The following CFAP100 variants were observed in gnomAD, a reference collection of about 807,000 sequenced individuals.
CFAP100 encodes the protein cilia and flagella associated protein 100.
Under a neutral mutation model 81.5 loss-of-function variants are expected in CFAP100, and 70 were observed. The observed-to-expected ratio is 0.86, with a 90% confidence interval of 0.71 to 1.05. CFAP100 has a LOEUF of 1.05. Among genes scored for constraint, CFAP100 ranks in the 50% least tolerant of loss-of-function variants. The pLI is 0.00. For missense variants in CFAP100, 811 were observed against 776.5 expected, an observed-to-expected ratio of 1.04 and a Z score of -0.53; for synonymous variants, 341 against 314.8, an observed-to-expected ratio of 1.08 and a Z score of -0.88.
chr3:126,395,630 A>C (rs1297004064), intron 1 of CFAP100, among the ~76,000 whole-genome samples: 2 of 152,210 alleles, frequency 1.3e-5, no homozygotes, highest in East Asian at 3.8e-4. Flanking sequence ...TAAAGAGGTG[A>C]CATTTGAGCT....
chr3:126,400,027 C>G (rs553604868), intron 2 of CFAP100, among the ~76,000 whole-genome samples: 235 of 152,302 alleles, frequency 1.5e-3, no homozygotes, highest in African/African-American at 5.0e-3. Flanking sequence ...AGCAACCTCC[C>G]GGCTCTGTTG....
chr3:126,423,278 T>A lies in CFAP100; in HGVS notation c.1083-47T>A, dbSNP rs972110147. On this transcript the variant is annotated intron_variant, in intron 11 of 16. Transcript: ENST00000352312. ...TCTGTGCCCCCTCCCCTGGCTCCTG[T>A]CTGCTCAGGCTGGTCCCAGAGTCCC... 5 of 1,546,800 alleles carry A rather than the reference T, an allele frequency of 3.2e-6. No individual in the cohort carries two copies. The South Asian group carries it at 6.0e-5, about 19-fold the overall frequency.
chr3:126,411,151 G>T (rs1231110436), intron 3 of CFAP100, among the ~76,000 whole-genome samples: 4 of 152,148 alleles, frequency 2.6e-5, no homozygotes, highest in African/African-American at 9.7e-5. Context: ...TGATCATATG[G>T]TTTTTGTTTT....
intron 2 of CFAP100, among the ~76,000 whole-genome samples, chr3:126,400,910 A>G (rs2363932): frequency 0.033 from 4,965 of 152,316 alleles, 279 homozygotes; most frequent in African/African-American, 0.11. Flanking sequence ...TGTTATTCAC[A>G]ATAGCCAAGC....
At chr3:126,396,860 T>A (rs2082897642) in intron 2 of CFAP100, among the ~76,000 whole-genome samples, 1 of 152,204 alleles carries the variant, frequency 6.6e-6, no homozygotes, top group Non-Finnish European at 1.5e-5. Context: ...GCCCTTCAGC[T>A]TTTTTATTGG....
rs113527043 is a variant in CFAP100, at chr3:126,420,145, T to C, written c.998T>C (p.Met333Thr). ...TKKPWRFLQT[M>T]RLGRSPSYLS... The stretch of plus-strand genomic sequence containing the variant: ...AAGCCCTGGAGGTTTCTGCAGACGA[T>C]GCGGCTGGGGCGGAGCCCGTCTTAC... Residue 333 changes from methionine (M) to threonine (T), a missense_variant, in exon 11 of 17, where the codon ATG (methionine) becomes ACG (threonine). Physicochemically the swap from Met to Thr is moderately conservative, Grantham distance 81 (BLOSUM62 -1). Coordinates refer to ENST00000352312, the MANE Select transcript of CFAP100 (RefSeq NM_182628.3). The C allele has an allele frequency of 1.6e-3, 2,584 of 1,613,272 alleles. 27 individuals carry two copies. In the African/African-American group the frequency reaches 0.021, roughly 13 times the overall value.
At chr3:126,401,144 A>G (rs1290459877) in intron 2 of CFAP100, among the ~76,000 whole-genome samples, 2 of 151,472 alleles carry the variant, frequency 1.3e-5, no homozygotes, top group Non-Finnish European at 2.9e-5. Context: ...AGAGTCATAG[A>G]GACAGAAGGG....
At chr3:126,435,332 G>A (rs1438416706) in intron 15 of CFAP100, among the ~76,000 whole-genome samples, 11 of 152,138 alleles carry the variant, frequency 7.2e-5, no homozygotes, top group African/African-American at 1.7e-4. Flanking sequence ...CCAGGGCCTC[G>A]GAGCAGCAGG....
At chr3:126,426,845 A>T (rs1932968706) in intron 13 of CFAP100, among the ~76,000 whole-genome samples, 1 of 152,246 alleles carries the variant, frequency 6.6e-6, no homozygotes, top group East Asian at 1.9e-4. Flanking sequence ...AACATACAAA[A>T]GTCAATGGCT....
At chr3:126,423,218 G>A (rs2083359338) in intron 11 of CFAP100, 107 bp from the exon 12 acceptor site, 2 of 865,462 alleles carry the variant, frequency 2.3e-6, no homozygotes, top group Non-Finnish European at 3.6e-6. Flanking sequence ...AGCTGGGAGA[G>A]GAGGGATGGG....
chr3:126,401,209 G>A (rs10934772), intron 2 of CFAP100, among the ~76,000 whole-genome samples: 146,420 of 151,828 alleles, frequency 0.96, 70,998 homozygotes, highest in Non-Finnish European at 1. Flanking sequence ...TTTAATGCAC[G>A]CAGAGTTTCA....
At chr3:126,408,851 C>G (rs781151419) in intron 3 of CFAP100, among the ~76,000 whole-genome samples, 8 of 152,162 alleles carry the variant, frequency 5.3e-5, no homozygotes, top group Non-Finnish European at 1.2e-4. Context: ...TGCAGTCGTT[C>G]GATCACAGCT....
At chr3:126,431,734 T>C (rs1313502960) in intron 13 of CFAP100, among the ~76,000 whole-genome samples, 1 of 135,092 alleles carries the variant, frequency 7.4e-6, no homozygotes, top group Non-Finnish European at 1.7e-5. Flanking sequence ...AATCTATAGG[T>C]TTCCTTTGTT....
chr3:126,418,419 G>A (rs1576633837), intron 5 of CFAP100, 39 bp from the exon 6 acceptor site: 3 of 1,606,924 alleles, frequency 1.9e-6, no homozygotes, highest in Non-Finnish European at 2.6e-6. Context: ...CCTCAGCCTG[G>A]GCTTCCCGCT....
intron 3 of CFAP100, among the ~76,000 whole-genome samples, chr3:126,409,635 G>A (rs1354366049): frequency 6.6e-6 from 1 of 152,162 alleles, no homozygotes; most frequent in African/African-American, 2.4e-5. Flanking sequence ...ATATGACTTT[G>A]TCCTCTGGGT....
intron 11 of CFAP100, among the ~76,000 whole-genome samples, chr3:126,421,105 C>A (rs989051906): frequency 6.6e-6 from 1 of 152,156 alleles, no homozygotes; most frequent in Non-Finnish European, 1.5e-5. Flanking sequence ...CAGGTTCAAG[C>A]GATTCTCTTG....
rs1240680661 is a variant in CFAP100, at chr3:126,394,965, G to A, written c.-73G>A. ...GCGCGGAGGCTTCGGAGCGAGCCGG[G>A]GCAGTCGGGGTCGGTGGGTGCGCTC... On this transcript the variant is annotated 5_prime_UTR_variant, in exon 1 of 17. Coordinates refer to ENST00000352312, the MANE Select transcript of CFAP100 (RefSeq NM_182628.3). 2.6e-5 allele frequency: 4 copies of A among 152,464 alleles called. No homozygotes were observed. Among genetic ancestry groups the A allele is most frequent in the Admixed American group, 6.5e-5 (1 of 15,286 alleles). The allele number at this position is 152,464 out of a possible 1,614,324, so 9.4% of individuals were successfully genotyped here. A position where few individuals can be genotyped will look rare whatever the true frequency, so the allele number is the denominator to read the frequency against.
chr3:126,434,369 AGCGGC>A lies in CFAP100; in HGVS notation c.1619_1623del (p.Arg540HisfsTer29). 1 of 1,613,372 alleles carries A rather than the reference AGCGGC, an allele frequency of 6.2e-7. No individual in the cohort carries two copies. The highest frequency in any genetic ancestry group is 8.5e-7 in the Non-Finnish European group (1 of 1,179,766). On this transcript the variant is annotated frameshift_variant, in exon 15 of 17. Transcript: ENST00000352312. LOFTEE classifies it high-confidence loss of function. Reference sequence around the variant, plus strand: ...CAGGCCGAGAGGGCAAAGGAGAAGGAGCGGCGCATCAGGTGAGCTCTAGGCTCTCC... The same window carrying A: ...CAGGCCGAGAGGGCAAAGGAGAAGGAGCATCAGGTGAGCTCTAGGCTCTCC...
rs575595064 is a variant in CFAP100 at position 126,418,403 on chromosome 3, G to A, written c.419-55G>A. 267 of 1,555,342 alleles carry A rather than the reference G, an allele frequency of 1.7e-4. 1 individual carries two copies. In the East Asian group the frequency reaches 4.6e-3, roughly 27 times the overall value. ...GAAGGCTCCTCTGCAGACCTGCCAG[G>A]CCCCTCCTCAGCCTGGGCTTCCCGC... On this transcript the variant is annotated intron_variant, in intron 5 of 16. Transcript: ENST00000352312.
Sources: allele counts gnomAD v4.1 joint callset (sites outside exome capture counted in the v4.1 genomes callset), GRCh38; gene constraint gnomAD v4.1.1; transcripts MANE v1.5; gene names NCBI Gene and HGNC (gene_info 2026-07-23, HGNC 2026-07-21).